Variants in PSMC4 observed in about 807,000 individuals in gnomAD.
PSMC4 encodes 26S proteasome regulatory subunit 6B.
Under a neutral mutation model 48.4 loss-of-function variants are expected in PSMC4, and 13 were observed. The observed-to-expected ratio is 0.27, with a 90% CI of 0.18 to 0.43. The LOEUF (loss-of-function observed/expected upper bound fraction) is 0.43, where lower values mean the gene tolerates loss of function less well. Ranked by LOEUF, PSMC4 falls within the 20% of genes least tolerant of loss-of-function variation. The pLI is 1.00. For missense variants in PSMC4, 262 were observed against 555.9 expected, an observed-to-expected ratio of 0.47 and a Z score of 5.32; for synonymous variants, 202 against 212.3, an observed-to-expected ratio of 0.95 and a Z score of 0.42.
At position 39,980,789 on chromosome 19, in the gene PSMC4, G is replaced by A; in HGVS notation, c.1143+72G>A. ...CCCTTCTTCTCTGAACCACTCTGCT[G>A]CAGTCCTGTCCCCTCATGGCTGCCC... On this transcript the variant is annotated intron_variant, in intron 10 of 10. Transcript: ENST00000157812. The surrounding 1 kb of genome is among the most constrained non-coding windows in gnomAD (Gnocchi z 4.8). 1.3e-6 allele frequency: 2 copies of A among 1,489,424 alleles called. No individual in the cohort carries two copies. Among genetic ancestry groups the A allele is most frequent in the Non-Finnish European group, 1.9e-6 (2 of 1,067,084 alleles). The allele number at this position is 1,489,424 out of a possible 1,614,324, so 92.3% of individuals were successfully genotyped here.
chr19:39,976,982 TG>T (rs1168277142), intron 6 of PSMC4, among the ~76,000 whole-genome samples: 1 of 151,978 alleles, frequency 6.6e-6, no homozygotes, highest in Non-Finnish European at 1.5e-5. Context: ...CCCGAGTGGC[TG>T]GAATTACAGG....
chr19:39,974,406 C>T lies in PSMC4; in HGVS notation c.435C>T (p.Pro145=), dbSNP rs769476654. The T allele has an allele frequency of 1.3e-5, 21 of 1,614,066 alleles. No individual in the cohort carries two copies. Among genetic ancestry groups the T allele is most frequent in the Middle Eastern group, 1.6e-4 (1 of 6,062 alleles). Residue 145 remains proline, a synonymous_variant, in exon 4 of 11, where the codon CCC becomes CCT. Coordinates refer to ENST00000157812, the MANE Select transcript of PSMC4 (RefSeq NM_006503.4). This position sits in a 1 kb window ranked among gnomAD's most constrained non-coding sequence, Gnocchi z 5.5. ...ATGCACTGGTGGACGTGCTGCCCCC[C>T]GAAGCCGACAGCAGCATCATGATGC... ...HSNALVDVLP[P]EADSSIMMLT...
At chr19:39,978,122 CTT>C (rs771894660) in intron 6 of PSMC4, among the ~76,000 whole-genome samples, 60 of 152,194 alleles carry the variant, frequency 3.9e-4, no homozygotes, top group Non-Finnish European at 7.2e-4. Context: ...TTTTTTTCCT[CTT>C]GTTTTTCGGG....
Position 39,974,747 on chromosome 19 carries a change from C to G in PSMC4, c.592C>G (p.Pro198Ala), listed in dbSNP as rs1394490377. 6.2e-7 allele frequency: 1 copy of G among 1,613,666 alleles called. No individual in the cohort carries two copies. The highest frequency in any genetic ancestry group is 1.1e-5 in the South Asian group (1 of 91,068). Residue 198 changes from proline (P) to alanine (A), a missense_variant, in exon 6 of 11, where the codon CCC (proline) becomes GCC (alanine). Physicochemically the swap from Pro to Ala is conservative, Grantham distance 27. This residue lies in a region of PSMC4 where 131 missense variants were observed against 276.7 expected (regional missense o/e 0.47). Transcript: ENST00000157812. The surrounding 1 kb of genome is among the most constrained non-coding windows in gnomAD (Gnocchi z 5.5). ...CTCTGGGTTTCAGATCGGCATCGAT[C>G]CCCCCCGAGGCGTCCTCATGTATGG... ...FELYKQIGID[P>A]PRGVLMYGPP...
intron 1 of PSMC4, 122 bp from the exon 2 acceptor site, chr19:39,972,024 G>A: frequency 1.1e-6 from 1 of 875,828 alleles, no homozygotes; most frequent in South Asian, 1.6e-5. Flanking sequence ...AAGATATCAG[G>A]GGTCTGTTAG....
rs373181988 is a variant in PSMC4 at position 39,980,172 on chromosome 19, G to T, written c.918+26G>T. The T allele has an allele frequency of 4.6e-5, 75 of 1,613,942 alleles. No individual in the cohort carries two copies. The highest frequency in any genetic ancestry group is 5.9e-5 in the Non-Finnish European group (70 of 1,179,970). On this transcript the variant is annotated intron_variant, in intron 8 of 10. Coordinates refer to ENST00000157812, the MANE Select transcript of PSMC4 (RefSeq NM_006503.4). This position sits in a 1 kb window ranked among gnomAD's most constrained non-coding sequence, Gnocchi z 4.8. The stretch of plus-strand genomic sequence containing the variant: ...GTTTGGGGTTTGGGATGGACAAGGG[G>T]AGGTGTGGTGTAGGAACTGGGGAAA...
rs1599730078 is a variant in PSMC4, at chr19:39,980,095, G to T, written c.867G>T (p.Leu289=). The T allele has an allele frequency of 6.2e-7, 1 of 1,614,056 alleles. No individual in the cohort carries two copies. The highest frequency in any genetic ancestry group is 1.3e-5 in the African/African-American group (1 of 74,922). ...TGADREVQRI[L]LELLNQMDGF... Reference sequence around the variant, plus strand: ...CCGACAGGGAGGTTCAGAGGATCCTGCTGGAGCTGCTGAATCAGATGGATG... The same window carrying T: ...CCGACAGGGAGGTTCAGAGGATCCTTCTGGAGCTGCTGAATCAGATGGATG... The change falls in exon 8 of 11, where the codon CTG becomes CTT. Residue 289 remains leucine (L), a synonymous_variant. Coordinates refer to ENST00000157812, the MANE Select transcript of PSMC4 (RefSeq NM_006503.4). This position sits in a 1 kb window ranked among gnomAD's most constrained non-coding sequence, Gnocchi z 4.8.
intron 3 of PSMC4, among the ~76,000 whole-genome samples, chr19:39,973,816 G>A (rs773137906): frequency 4.5e-4 from 68 of 152,110 alleles, no homozygotes; most frequent in Non-Finnish European, 7.9e-4. Context: ...TTGGACTGGT[G>A]GGCTATGAGG....
At chr19:39,978,096 A>T (rs1971233365) in intron 6 of PSMC4, among the ~76,000 whole-genome samples, 2 of 152,180 alleles carry the variant, frequency 1.3e-5, no homozygotes, top group Non-Finnish European at 1.5e-5. Context: ...AAGTGTTGGG[A>T]TCACAGGTGT....
rs1418445650 is a variant in PSMC4, at chr19:39,974,325, C to A, written c.354C>A (p.Thr118=). 1 of 1,614,146 alleles carries A rather than the reference C, an allele frequency of 6.2e-7. No individual in the cohort carries two copies. Among genetic ancestry groups the A allele is most frequent in the Admixed American group, 1.7e-5 (1 of 60,010 alleles). The change falls in exon 4 of 11, where the codon ACC becomes ACA. Residue 118 remains threonine, a synonymous_variant. Coordinates refer to ENST00000157812, the MANE Select transcript of PSMC4 (RefSeq NM_006503.4). This position sits in a 1 kb window ranked among gnomAD's most constrained non-coding sequence, Gnocchi z 5.5. The part of the protein sequence containing the change: ...GSNYYVRILS[T]IDRELLKPNA... ...ACTATTATGTGCGCATCCTGAGCAC[C>A]ATCGATCGGGAGCTGCTCAAGCCCA... is the stretch of plus-strand genomic sequence containing the variant.
chr19:39,981,542 T>A lies in PSMC4; in HGVS notation c.*237T>A. ...CTGACAGATGAGCAGACGAGGTGCATGGCCTGGGTTGCAGCTTGAGAGAAC... is the reference window on the plus strand; with the variant it reads ...CTGACAGATGAGCAGACGAGGTGCAAGGCCTGGGTTGCAGCTTGAGAGAAC... On this transcript the variant is annotated 3_prime_UTR_variant, in exon 11 of 11. Coordinates refer to ENST00000157812, the MANE Select transcript of PSMC4 (RefSeq NM_006503.4). The A allele has an allele frequency of 2.4e-6, 1 of 417,574 alleles. No homozygotes were observed. Among genetic ancestry groups the A allele is most frequent in the Non-Finnish European group, 4.4e-6 (1 of 226,910 alleles). 25.9% of individuals were successfully genotyped at this position (417,574 alleles called of 1,614,324 possible).
Position 39,980,138 on chromosome 19 carries a change from A to C in PSMC4, c.910A>C (p.Asn304His). The C allele has an allele frequency of 6.2e-7, 1 of 1,614,076 alleles. No homozygotes were observed. The stretch of plus-strand genomic sequence containing the variant: ...GATGGATGGATTTGATCAGAATGTC[A>C]ATGTCAAGGTTTGGGGTTTGGGATG... The part of the protein sequence containing the change: ...NQMDGFDQNV[N>H]VKVIMATNRA... The change falls in exon 8 of 11, where the codon AAT (asparagine) becomes CAT (histidine). Residue 304 changes from asparagine (N) to histidine (H), a missense_variant. Physicochemically the swap from Asn to His is moderately conservative, Grantham distance 68. Around this residue, in one of 4 missense-constraint regions of PSMC4, gnomAD observed 84 missense variants for 157.8 expected, o/e 0.53. Transcript: ENST00000157812. The surrounding 1 kb of genome is among the most constrained non-coding windows in gnomAD (Gnocchi z 4.8).
At chr19:39,977,548 G>A (rs1048090004) in intron 6 of PSMC4, among the ~76,000 whole-genome samples, 3 of 152,084 alleles carry the variant, frequency 2.0e-5, no homozygotes, top group South Asian at 4.1e-4. Flanking sequence ...CTGGCAAGGC[G>A]CGGTGGCTCA....
intron 6 of PSMC4, among the ~76,000 whole-genome samples, chr19:39,975,736 A>G (rs756403849): frequency 2.6e-5 from 4 of 152,168 alleles, no homozygotes; most frequent in Non-Finnish European, 5.9e-5. Flanking sequence ...GATACAAAGC[A>G]TCTGGAATGG....
chr19:39,972,736 TG>T (rs139545709), intron 3 of PSMC4, among the ~76,000 whole-genome samples, 181 bp downstream of exon 3: 7,717 of 151,830 alleles, frequency 0.051, 654 homozygotes, highest in African/African-American at 0.18. Flanking sequence ...TGTATATCTA[TG>T]TTTTTTTTGT....
chr19:39,974,174 G>C lies in PSMC4; in HGVS notation c.323-120G>C. The C allele has an allele frequency of 7.7e-7, 1 of 1,305,542 alleles. No homozygotes were observed. Among genetic ancestry groups the C allele is most frequent in the East Asian group, 2.5e-5 (1 of 40,650 alleles). The allele number at this position is 1,305,542 out of a possible 1,614,324, so 80.9% of individuals were successfully genotyped here. A position where few individuals can be genotyped will look rare whatever the true frequency, so the allele number is the denominator to read the frequency against. On this transcript the variant is annotated intron_variant, in intron 3 of 10. Transcript: ENST00000157812. This position sits in a 1 kb window ranked among gnomAD's most constrained non-coding sequence, Gnocchi z 5.5. ...ACAGCAGGAGGGAAGGCTGGAGGCC[G>C]AGAGGGGACCCCTCAGGGTCTGAAC... is the stretch of plus-strand genomic sequence containing the variant.
chr19:39,980,405 C>G lies in PSMC4; in HGVS notation c.1038C>G (p.Ser346=). The G allele has an allele frequency of 1.2e-6, 2 of 1,614,088 alleles. No homozygotes were observed. Among genetic ancestry groups the G allele is most frequent in the Non-Finnish European group, 1.7e-6 (2 of 1,180,024 alleles). The change falls in exon 9 of 11, where the codon TCC becomes TCG. Residue 346 remains serine, a synonymous_variant. Coordinates refer to ENST00000157812, the MANE Select transcript of PSMC4 (RefSeq NM_006503.4). The surrounding 1 kb of genome is among the most constrained non-coding windows in gnomAD (Gnocchi z 4.8). ...GCCGCCAGAAGAGATTGATTTTCTC[C>G]ACTATCACTAGCAAGATGAACCTCT... ...PDRRQKRLIF[S]TITSKMNLSE... is the part of the protein sequence containing the mutation.
chr19:39,980,853 C>T lies in PSMC4; in HGVS notation c.1143+136C>T. ...CCATCTCTCTCTTCCTCTACCATCA[C>T]TAGGGGTGGATAGTACAGGGGTAGT... is the stretch of plus-strand genomic sequence containing the variant. On this transcript the variant is annotated intron_variant, in intron 10 of 10. Coordinates refer to ENST00000157812, the MANE Select transcript of PSMC4 (RefSeq NM_006503.4). The surrounding 1 kb of genome is among the most constrained non-coding windows in gnomAD (Gnocchi z 4.8). The T allele has an allele frequency of 1.2e-6, 1 of 866,082 alleles. No individual in the cohort carries two copies. The highest frequency in any genetic ancestry group is 1.9e-6 in the Non-Finnish European group (1 of 519,418). 53.6% of individuals were successfully genotyped at this position (866,082 alleles called of 1,614,324 possible).
At chr19:39,976,845 G>T (rs527908483) in intron 6 of PSMC4, among the ~76,000 whole-genome samples, 25 of 123,610 alleles carry the variant, frequency 2.0e-4, no homozygotes, top group Non-Finnish European at 2.7e-4. Context: ...TTTTGTGTGT[G>T]ATTTTTTTTT....
Sources: gnomAD v4.1 joint callset for allele counts (sites outside exome capture counted in the v4.1 genomes callset) on GRCh38, gnomAD v4.1.1 for gene constraint, gnomAD v4.1.1 regional missense constraint, Gnocchi (gnomAD v3.1) non-coding constraint, MANE v1.5 for transcripts, NCBI Gene and HGNC (gene_info 2026-07-23, HGNC 2026-07-21) for gene names.